The following RBMS3 variants were observed in gnomAD, a reference collection of about 807,000 sequenced individuals.
RBMS3 encodes RNA binding motif single stranded interacting protein 3.
Under a neutral mutation model 66.8 loss-of-function variants are expected in RBMS3, and 27 were observed. The ratio of observed to expected loss-of-function variants is 0.40; its 90% CI spans 0.30 to 0.56. The LOEUF (loss-of-function observed/expected upper bound fraction) is 0.56, where lower values mean the gene tolerates loss of function less well. RBMS3 is among the 20% of genes least tolerant of loss of function. The pLI, the probability that RBMS3 is intolerant of heterozygous loss-of-function variation, is 0.40. For synonymous variants in RBMS3, 188 were observed against 183.0 expected (o/e 1.03, Z -0.22); for missense variants, 513 against 549.5 (o/e 0.93, Z 0.66).
chr3:29,999,258 A>C lies in RBMS3; in HGVS notation c.1308-4598A>C, dbSNP rs572398636. On this transcript the variant is annotated intron_variant, in intron 14 of 14. Transcript: ENST00000383767. ...GAATGGCAATCATTAAAAAGTCAGG[A>C]AACAACAGGTGCTGGAGAGGATGTG... Among the ~76,000 whole-genome samples the C allele has an allele frequency of 5.1e-3, 771 of 152,318 alleles. 7 individuals are homozygous for C. Among genetic ancestry groups the C allele is most frequent in the African/African-American group, 0.018 (742 of 41,562 alleles).
chr3:29,986,199 A>G (rs888899700), intron 12 of RBMS3, among the ~76,000 whole-genome samples: 15 of 152,196 alleles, frequency 9.9e-5, no homozygotes, highest in African/African-American at 3.4e-4. Context: ...AAATCTATCA[A>G]TTCTGAACTT....
intron 3 of RBMS3, among the ~76,000 whole-genome samples, chr3:29,518,190 C>T (rs968707899): frequency 6.6e-6 from 1 of 152,166 alleles, no homozygotes. Context: ...GTGTAGCTAG[C>T]ACCTGTATTA....
At chr3:29,345,866 G>A (rs1016000269) in intron 1 of RBMS3, among the ~76,000 whole-genome samples, 3 of 152,162 alleles carry the variant, frequency 2.0e-5, no homozygotes, top group African/African-American at 7.2e-5. Flanking sequence ...AAATGGTTTG[G>A]TTATACCCCC....
At chr3:29,717,013 G>T (rs1017234399) in intron 4 of RBMS3, among the ~76,000 whole-genome samples, 5 of 151,988 alleles carry the variant, frequency 3.3e-5, no homozygotes, top group Admixed American at 2.0e-4. Context: ...AGTAGCACAA[G>T]CTACATTATT....
At chr3:29,347,860 C>T (rs1003332655) in intron 1 of RBMS3, among the ~76,000 whole-genome samples, 1 of 152,148 alleles carries the variant, frequency 6.6e-6, no homozygotes, top group Non-Finnish European at 1.5e-5. Flanking sequence ...CTGAAACATT[C>T]CGGATGATAA....
At chr3:29,603,354 G>A (rs2048210334) in intron 4 of RBMS3, among the ~76,000 whole-genome samples, 1 of 151,922 alleles carries the variant, frequency 6.6e-6, no homozygotes, top group Non-Finnish European at 1.5e-5. Flanking sequence ...TTTTAATTGA[G>A]TAGGACAAAG....
At chr3:29,767,308 G>A (rs959936851) in intron 6 of RBMS3, 2 of 152,048 alleles carry the variant, frequency 1.3e-5, no homozygotes, top group Admixed American at 1.3e-4. Context: ...CTAGACATTT[G>A]TTTTTTCCTG....
intron 10 of RBMS3, among the ~76,000 whole-genome samples, chr3:29,901,950 C>T (rs749363944): frequency 6.6e-6 from 1 of 151,776 alleles, no homozygotes; most frequent in Non-Finnish European, 1.5e-5. Flanking sequence ...AGTAACTTTA[C>T]CCAACTGGCT....
chr3:29,456,565 C>G lies in RBMS3; in HGVS notation c.248+21650C>G, dbSNP rs566288995. On this transcript the variant is annotated intron_variant, in intron 2 of 14. Transcript: ENST00000383767. ...TATTATGTACAACTTTTTATTCATACTATGTGGGATTATGAACAATATCAG... is the reference window on the plus strand; with the variant it reads ...TATTATGTACAACTTTTTATTCATAGTATGTGGGATTATGAACAATATCAG... Among the ~76,000 whole-genome samples, 8 of 152,192 alleles carry G rather than the reference C, an allele frequency of 5.3e-5. No individual in the cohort carries two copies. The South Asian group carries it at 1.5e-3, about 28-fold the overall frequency.
At chr3:29,672,045 G>T (rs1486379208) in intron 4 of RBMS3, among the ~76,000 whole-genome samples, 2 of 152,164 alleles carry the variant, frequency 1.3e-5, no homozygotes, top group Non-Finnish European at 2.9e-5. Context: ...AGAAAGGTCA[G>T]GTTACCCATA....
At chr3:29,364,647 A>G (rs989196849) in intron 1 of RBMS3, among the ~76,000 whole-genome samples, 1 of 152,156 alleles carries the variant, frequency 6.6e-6, no homozygotes, top group African/African-American at 2.4e-5. Context: ...GATGCTTTGG[A>G]AACAGCCATG....
chr3:29,696,280 T>C (rs1274493031), intron 4 of RBMS3, among the ~76,000 whole-genome samples: 1 of 152,196 alleles, frequency 6.6e-6, no homozygotes, highest in Non-Finnish European at 1.5e-5. Flanking sequence ...CTGATTATAG[T>C]AGCTGATTAT....
intron 3 of RBMS3, among the ~76,000 whole-genome samples, chr3:29,507,196 A>T (rs1192816237): frequency 6.6e-6 from 1 of 151,918 alleles, no homozygotes; most frequent in East Asian, 1.9e-4. Flanking sequence ...GTATTTAAAA[A>T]AAAATGAGGT....
chr3:29,512,709 T>G lies in RBMS3; in HGVS notation c.307+24210T>G, dbSNP rs569635832. 5.9e-5 allele frequency among the ~76,000 whole-genome samples: 9 copies of G among 152,234 alleles called. No individual in the cohort carries two copies. The East Asian group carries it at 1.7e-3, about 29-fold the overall frequency. Reference sequence around the variant, plus strand: ...GCGGCGGTGGTACAGCCATAATACTTCCTGTTCCTTGTAGATCAATCTGGG... The same window carrying G: ...GCGGCGGTGGTACAGCCATAATACTGCCTGTTCCTTGTAGATCAATCTGGG... On this transcript the variant is annotated intron_variant, in intron 3 of 14. Coordinates refer to ENST00000383767, the MANE Select transcript of RBMS3 (RefSeq NM_001003793.3).
chr3:29,987,847 T>C (rs1417211594), intron 12 of RBMS3, among the ~76,000 whole-genome samples: 1 of 152,054 alleles, frequency 6.6e-6, no homozygotes, highest in Admixed American at 6.6e-5. Flanking sequence ...AGATGTGAAA[T>C]GTGAAATGTT....
At chr3:29,302,069 G>A (rs1461632646) in intron 1 of RBMS3, among the ~76,000 whole-genome samples, 1 of 151,950 alleles carries the variant, frequency 6.6e-6, no homozygotes. Context: ...TAGTGCAGTG[G>A]TATGGTCATG....
At chr3:29,888,049 T>C (rs2059913729) in intron 8 of RBMS3, among the ~76,000 whole-genome samples, 1 of 151,722 alleles carries the variant, frequency 6.6e-6, no homozygotes, top group African/African-American at 2.4e-5. Context: ...AGGTTACCAC[T>C]CCTGGACCCT....
chr3:29,720,728 G>GTGTGTGTT (rs1232054049), intron 4 of RBMS3, among the ~76,000 whole-genome samples: 1 of 151,480 alleles, frequency 6.6e-6, no homozygotes, highest in African/African-American at 2.4e-5. Flanking sequence ...GTGTGTGTGT[G>GTGTGTGTT]ACTTTTCATT....
At chr3:29,809,586 T>C (rs1411324757) in intron 6 of RBMS3, among the ~76,000 whole-genome samples, 1 of 152,018 alleles carries the variant, frequency 6.6e-6, no homozygotes, top group Non-Finnish European at 1.5e-5. Context: ...ATTTGATTGA[T>C]AAATGTTTGT....
Sources: allele counts gnomAD v4.1 joint callset (sites outside exome capture counted in the v4.1 genomes callset), GRCh38; gene constraint gnomAD v4.1.1; transcripts MANE v1.5; gene names NCBI Gene and HGNC (gene_info 2026-07-23, HGNC 2026-07-21).